PCDHA2: variants seen among roughly 807,000 people sequenced by gnomAD.
The protein encoded by PCDHA2 is protocadherin alpha 2, also known as protocadherin alpha-2.
A neutral mutation model predicts 66.0 loss-of-function variants in PCDHA2; 58 were observed. The ratio of observed to expected loss-of-function variants is 0.88; its 90% CI spans 0.71 to 1.09. The LOEUF is 1.09. Among genes scored for constraint, PCDHA2 ranks in the 50% least tolerant of loss-of-function variants. The probability of loss-of-function intolerance (pLI) is 0.00; values close to 1 mark genes in which losing one functional copy is unlikely to be tolerated. For missense variants in PCDHA2, 1,267 were observed against 1,242.3 expected (o/e 1.02, Z -0.30); for synonymous variants, 634 against 554.0 (o/e 1.14, Z -2.03).
chr5:140,815,194 T>C (rs1305192129), intron 1 of PCDHA2: 2 of 152,176 alleles, frequency 1.3e-5, no homozygotes, highest in African/African-American at 4.8e-5. Flanking sequence ...TTTAAAGTAA[T>C]TATTGATAGG....
chr5:140,809,419 G>A (rs1425791454), intron 1 of PCDHA2: 1 of 1,614,220 alleles, frequency 6.2e-7, no homozygotes, highest in Non-Finnish European at 8.5e-7. Flanking sequence ...GCTCCAGTGC[G>A]GTGGGGAGCT....
chr5:140,851,068 A>G lies in PCDHA2; in HGVS notation c.2388+53716A>G, dbSNP rs563336540. ...CGACTTTGTCTTGACTTCTAGTGAG[A>G]ATTATAAACTGTATATTAAATAGAT... On this transcript the variant is annotated intron_variant, in intron 1 of 3. Transcript: ENST00000526136. The G allele has an allele frequency of 1.3e-4, 170 of 1,354,166 alleles. 16 individuals carry two copies. Among genetic ancestry groups the G allele is most frequent in the Middle Eastern group, 2.2e-4 (1 of 4,590 alleles). 83.9% of individuals were successfully genotyped at this position (1,354,166 alleles called of 1,614,324 possible).
At chr5:140,821,861 A>G (rs2150111284) in intron 1 of PCDHA2, 2 of 1,614,204 alleles carry the variant, frequency 1.2e-6, no homozygotes, top group South Asian at 2.2e-5. Context: ...GGGAGCGGCC[A>G]GCTCCACTAC....
intron 1 of PCDHA2, chr5:140,830,239 G>T (rs1770921442): frequency 1.2e-6 from 2 of 1,613,826 alleles, no homozygotes; most frequent in South Asian, 1.1e-5. Context: ...TCACGCTACT[G>T]CTGTACACAG....
chr5:140,857,273 G>A, intron 1 of PCDHA2: 3 of 1,598,730 alleles, frequency 1.9e-6, no homozygotes, highest in Middle Eastern at 1.7e-4. Context: ...ATTGGTGCTG[G>A]ACAGCGCTCT....
chr5:140,856,181 G>T lies in PCDHA2; in HGVS notation c.2388+58829G>T, dbSNP rs781803033. 1.1e-5 allele frequency: 18 copies of T among 1,598,112 alleles called. 2 individuals are homozygous for T. Among genetic ancestry groups the T allele is most frequent in the Middle Eastern group, 3.4e-4 (2 of 5,944 alleles). On this transcript the variant is annotated intron_variant, in intron 1 of 3. Coordinates refer to ENST00000526136, the MANE Select transcript of PCDHA2 (RefSeq NM_018905.3). Reference sequence around the variant, plus strand: ...GGAGGCCAGACACGGCACCTTCGTGGGCCGCATCGCGCAGGACCTGGGGCT... The same window carrying T: ...GGAGGCCAGACACGGCACCTTCGTGTGCCGCATCGCGCAGGACCTGGGGCT...
In PCDHA2 at chr5:140,796,658, T is replaced by C. The variant is rs143287636; in HGVS notation, c.1694T>C (p.Leu565Pro). The C allele has an allele frequency of 1.2e-4, 192 of 1,613,664 alleles. No homozygotes were observed. The highest frequency in any genetic ancestry group is 1.5e-4 in the Non-Finnish European group (180 of 1,179,806). The change falls in exon 1 of 4, where the codon CTG becomes CCG. Residue 565 changes from leucine to proline, a missense_variant. Leu to Pro is a moderately conservative substitution (Grantham distance 98). Coordinates refer to ENST00000526136, the MANE Select transcript of PCDHA2 (RefSeq NM_018905.3). ...VLDENDNAPA[L>P]LAPRAGTAAG... The stretch of plus-strand genomic sequence containing the variant: ...GACGAGAACGACAACGCGCCGGCAC[T>C]GTTGGCGCCTAGGGCTGGCACCGCT...
intron 1 of PCDHA2, chr5:140,883,107 C>T: frequency 6.2e-7 from 1 of 1,614,064 alleles, no homozygotes. Context: ...ATAGTTTACT[C>T]ATTTAGAAGG....
intron 1 of PCDHA2, among the ~76,000 whole-genome samples, chr5:140,797,815 C>T (rs1762265575): frequency 1.3e-5 from 2 of 152,064 alleles, no homozygotes; most frequent in Non-Finnish European, 2.9e-5. Context: ...ATCAACAATG[C>T]CCTTGTCTAT....
At chr5:140,895,292 C>A (rs1032250917) in intron 1 of PCDHA2, among the ~76,000 whole-genome samples, 2 of 152,044 alleles carry the variant, frequency 1.3e-5, no homozygotes. Context: ...TTAGGACCTT[C>A]GATTTCCCCC....
chr5:140,969,400 T>C (rs782765994), intron 1 of PCDHA2: 2 of 1,580,682 alleles, frequency 1.3e-6, no homozygotes, highest in South Asian at 2.3e-5. Flanking sequence ...TATCCTGTGA[T>C]TTGGCTTTAT....
intron 1 of PCDHA2, among the ~76,000 whole-genome samples, chr5:140,915,092 C>T (rs781958993): frequency 9.2e-5 from 14 of 151,760 alleles, no homozygotes; most frequent in East Asian, 1.9e-4. Context: ...ACTATGGGCA[C>T]GCACCACCAC....
chr5:140,917,324 C>CGGGGG (rs1299895515), intron 1 of PCDHA2, among the ~76,000 whole-genome samples: 1 of 76,186 alleles, frequency 1.3e-5, no homozygotes, highest in Non-Finnish European at 2.9e-5. Flanking sequence ...GTTCATGTGG[C>CGGGGG]GGGGGAGGGG....
chr5:140,882,997 C>T, intron 1 of PCDHA2: 1 of 1,614,062 alleles, frequency 6.2e-7, no homozygotes, highest in East Asian at 2.2e-5. Context: ...CGGAATTTTA[C>T]CAATCCGTTT....
intron 1 of PCDHA2, chr5:140,801,814 C>T (rs1163331311): frequency 6.2e-7 from 1 of 1,614,122 alleles, no homozygotes; most frequent in African/African-American, 1.3e-5. Context: ...GAGGACACTC[C>T]TAAGCATTAT....
chr5:140,883,282 G>A (rs781911340), intron 1 of PCDHA2: 6 of 1,613,900 alleles, frequency 3.7e-6, no homozygotes, highest in Non-Finnish European at 5.1e-6. Context: ...CCCTTTTGGT[G>A]GAAGTACTAG....
At position 140,850,757 on chromosome 5, in the gene PCDHA2, G is replaced by C. The variant is rs1554144879; in HGVS notation, c.2388+53405G>C. On this transcript the variant is annotated intron_variant, in intron 1 of 3. Coordinates refer to ENST00000526136, the MANE Select transcript of PCDHA2 (RefSeq NM_018905.3). ...GGAGTTGGTCGTACTCGCAGCAGAGGAGGCAGAGGGTGTGCTCTGGCGAGG... is the reference window on the plus strand; with the variant it reads ...GGAGTTGGTCGTACTCGCAGCAGAGCAGGCAGAGGGTGTGCTCTGGCGAGG... The C allele has an allele frequency of 1.3e-5, 20 of 1,597,958 alleles. 2 individuals are homozygous for C. The highest frequency in any genetic ancestry group is 1.4e-5 in the Non-Finnish European group (16 of 1,167,660).
chr5:140,823,814 G>C (rs782047530), intron 1 of PCDHA2: 4 of 1,613,762 alleles, frequency 2.5e-6, no homozygotes, highest in Non-Finnish European at 3.4e-6. Flanking sequence ...GCCTCATCGC[G>C]GGCGTCGGCG....
chr5:140,848,397 A>C, intron 1 of PCDHA2: 2 of 1,283,802 alleles, frequency 1.6e-6, no homozygotes, highest in Non-Finnish European at 2.2e-6. Flanking sequence ...CTCTGTGCTG[A>C]ACGATGGCGA....
Sources: allele counts gnomAD v4.1 joint callset (sites outside exome capture counted in the v4.1 genomes callset), GRCh38; gene constraint gnomAD v4.1.1; transcripts MANE v1.5; gene names NCBI Gene and HGNC (gene_info 2026-07-23, HGNC 2026-07-21).